ATF2: variants seen among roughly 807,000 people sequenced by gnomAD.
The protein encoded by ATF2 is activating transcription factor 2.
In ATF2, 24 loss-of-function variants were observed where a neutral mutation model predicts 60.6. The observed-to-expected ratio is 0.40, with a 90% CI of 0.29 to 0.56. The LOEUF is 0.56. Ranked by LOEUF, ATF2 falls within the 20% of genes least tolerant of loss-of-function variation. The pLI is 0.54. For missense variants in ATF2, 433 were observed against 607.7 expected (o/e 0.71, Z 3.02); for synonymous variants, 206 against 215.4 (o/e 0.96, Z 0.38).
intron 2 of ATF2, among the ~76,000 whole-genome samples, chr2:175,143,752 A>G (rs1476865697): frequency 6.6e-6 from 1 of 151,978 alleles, no homozygotes. Flanking sequence ...TCATATATAT[A>G]ATGGTTATTT....
At chr2:175,140,586 A>T (rs551582548) in intron 2 of ATF2, among the ~76,000 whole-genome samples, 1 of 152,186 alleles carries the variant, frequency 6.6e-6, no homozygotes, top group Admixed American at 6.5e-5. Context: ...GTGTATACAT[A>T]TAAGTCAAAA....
chr2:175,086,367 G>C (rs1014630135), intron 12 of ATF2, among the ~76,000 whole-genome samples: 1 of 152,184 alleles, frequency 6.6e-6, no homozygotes, highest in African/African-American at 2.4e-5. Flanking sequence ...AACATAGCTG[G>C]AGTGCAGTTT....
chr2:175,072,972 G>C lies in ATF2; in HGVS notation c.*1637C>G, dbSNP rs1298549165. Reference sequence around the variant, plus strand: ...GATATTCCATACAGACTTTTAAAATGTCAGTCTCATTAGGAGATGGCACTG... The same window carrying C: ...GATATTCCATACAGACTTTTAAAATCTCAGTCTCATTAGGAGATGGCACTG... On this transcript the variant is annotated 3_prime_UTR_variant, in exon 14 of 14. Coordinates refer to ENST00000264110, the MANE Select transcript of ATF2 (RefSeq NM_001880.4). 2 of 152,094 alleles carry C rather than the reference G, an allele frequency of 1.3e-5. No homozygotes were observed. Among genetic ancestry groups the C allele is most frequent in the Non-Finnish European group, 2.9e-5 (2 of 68,010 alleles). 9.4% of individuals were successfully genotyped at this position (152,094 alleles called of 1,614,324 possible).
At chr2:175,118,632 T>C (rs1175835615) in intron 5 of ATF2, among the ~76,000 whole-genome samples, 5 of 151,668 alleles carry the variant, frequency 3.3e-5, no homozygotes, top group Non-Finnish European at 7.4e-5. Context: ...CTGAGTAGAA[T>C]GGCATAAACA....
At chr2:175,145,889 A>G (rs560675958) in intron 2 of ATF2, among the ~76,000 whole-genome samples, 1 of 152,216 alleles carries the variant, frequency 6.6e-6, no homozygotes, top group Non-Finnish European at 1.5e-5. Context: ...ATACTGATAT[A>G]AAGGAATAAA....
At chr2:175,154,818 A>G (rs1431740561) in intron 1 of ATF2, among the ~76,000 whole-genome samples, 1 of 152,240 alleles carries the variant, frequency 6.6e-6, no homozygotes, top group Admixed American at 6.5e-5. Context: ...TGAAATGTGC[A>G]AACACTGCTA....
At chr2:175,086,873 A>C (rs1452368444) in intron 12 of ATF2, among the ~76,000 whole-genome samples, 2 of 152,280 alleles carry the variant, frequency 1.3e-5, no homozygotes, top group East Asian at 3.9e-4. Flanking sequence ...AAATCTTTCT[A>C]TTAAGAAAGA....
intron 11 of ATF2, among the ~76,000 whole-genome samples, chr2:175,096,660 T>G (rs1042798357): frequency 2.0e-5 from 3 of 152,180 alleles, no homozygotes; most frequent in African/African-American, 7.2e-5. Context: ...AATACTGAAA[T>G]ATGATATGCA....
At position 175,145,241 on chromosome 2, in the gene ATF2, C is replaced by G. The variant is rs186694038; in HGVS notation, c.-44+5819G>C. ...AGTGTGATATAGGTTGAATATATGT[C>G]CCTGCCAAATCTCATGGTGAATTGT... is the stretch of plus-strand genomic sequence containing the variant. On this transcript the variant is annotated intron_variant, in intron 2 of 13. Transcript: ENST00000264110. Among the ~76,000 whole-genome samples the G allele has an allele frequency of 1.8e-4, 28 of 152,166 alleles. 1 individual carries two copies. Among genetic ancestry groups the G allele is most frequent in the South Asian group, 4.2e-4 (2 of 4,808 alleles).
intron 1 of ATF2, among the ~76,000 whole-genome samples, chr2:175,153,040 C>T (rs1252298290): frequency 2.0e-5 from 3 of 152,114 alleles, no homozygotes; most frequent in South Asian, 2.1e-4. Context: ...AAAGTAATTG[C>T]GGTTTTTTCC....
chr2:175,167,677 G>A, intron 1 of ATF2: 1 of 505,896 alleles, frequency 2.0e-6, no homozygotes, highest in Non-Finnish European at 4.1e-6. Flanking sequence ...CTGACTCGAC[G>A]CGCGCCCCGA....
chr2:175,141,782 C>T (rs765452658), intron 2 of ATF2, among the ~76,000 whole-genome samples: 8 of 151,240 alleles, frequency 5.3e-5, no homozygotes, highest in South Asian at 2.1e-4. Flanking sequence ...TGTGAGCCAC[C>T]GTGCCTGGTC....
At chr2:175,107,522 GCTCCCTCTCCCTCTCCCTCTCCCCACGGT>G (rs769100187) in intron 10 of ATF2, among the ~76,000 whole-genome samples, 4,996 of 144,976 alleles carry the variant, frequency 0.034, 195 homozygotes, top group African/African-American at 0.097. Flanking sequence ...ACGTTTTGTG[GCTCCCTCTCCCTCTCCCTCTCCCCACGGT>G]CTCCCTCTCC....
intron 12 of ATF2, among the ~76,000 whole-genome samples, chr2:175,088,323 G>A (rs991659636): frequency 2.0e-5 from 3 of 152,040 alleles, no homozygotes; most frequent in African/African-American, 7.2e-5. Flanking sequence ...GTATTATAAT[G>A]TATCTTCCAA....
intron 13 of ATF2, chr2:175,080,355 T>C (rs1693679380): frequency 1.1e-5 from 2 of 180,484 alleles, no homozygotes; most frequent in Admixed American, 6.1e-5. Context: ...TAAGACAAAG[T>C]GTTATCCTGA....
At chr2:175,100,937 G>A (rs779653933) in intron 10 of ATF2, among the ~76,000 whole-genome samples, 19 of 152,146 alleles carry the variant, frequency 1.2e-4, no homozygotes, top group Admixed American at 3.9e-4. Flanking sequence ...AACTGCTGGC[G>A]AGTGTACCCT....
chr2:175,130,104 T>C, intron 4 of ATF2, 34 bp downstream of exon 4: 2 of 1,384,980 alleles, frequency 1.4e-6, no homozygotes, highest in South Asian at 1.3e-5. Context: ...TAAGTGGAAA[T>C]ATACAAAATA....
intron 9 of ATF2, among the ~76,000 whole-genome samples, 163 bp downstream of exon 9, chr2:175,113,831 C>T (rs1232603876): frequency 6.6e-6 from 1 of 151,172 alleles, no homozygotes; most frequent in East Asian, 1.9e-4. Context: ...ATAGCTATAC[C>T]TTGAATGGTA....
intron 10 of ATF2, among the ~76,000 whole-genome samples, chr2:175,108,528 C>T (rs1212782892): frequency 1.7e-4 from 26 of 150,254 alleles, no homozygotes; most frequent in African/African-American, 4.1e-4. Context: ...AGCCCCCGCC[C>T]GGCCAGCCGC....
Sources: allele counts gnomAD v4.1 joint callset (sites outside exome capture counted in the v4.1 genomes callset), GRCh38; gene constraint gnomAD v4.1.1; transcripts MANE v1.5; gene names NCBI Gene and HGNC (gene_info 2026-07-23, HGNC 2026-07-21).